Variants in TRAM2 observed in about 807,000 individuals in gnomAD.
The protein encoded by TRAM2 is translocating chain-associated membrane protein 2.
TRAM2 carries 12 observed loss-of-function variants against 51.0 expected under a neutral mutation model. The observed-to-expected ratio is 0.24, with a 90% confidence interval of 0.15 to 0.38. The LOEUF (loss-of-function observed/expected upper bound fraction) is 0.38. Ranked by LOEUF, TRAM2 falls within the 10% of genes least tolerant of loss-of-function variation. The pLI is 1.00. For missense variants in TRAM2, 361 were observed against 462.0 expected (o/e 0.78, Z 2.00); for synonymous variants, 175 against 179.4 (o/e 0.98, Z 0.20).
chr6:52,507,204 G>A lies in TRAM2; in HGVS notation c.626+349C>T, dbSNP rs193249149. Among the ~76,000 whole-genome samples, 162 of 152,294 alleles carry A rather than the reference G, an allele frequency of 1.1e-3. 1 individual carries two copies. The highest frequency in any genetic ancestry group is 3.1e-3 in the South Asian group (15 of 4,830). ...GTGAGGTAAGAGCCCAGCTTTGGGA[G>A]GCCTTCAAGCTGCAAAGCCATGGTT... On this transcript the variant is annotated intron_variant, in intron 7 of 10. Coordinates refer to ENST00000182527, the MANE Select transcript of TRAM2 (RefSeq NM_012288.4).
chr6:52,570,840 C>T (rs1376083461), intron 1 of TRAM2, among the ~76,000 whole-genome samples: 1 of 145,170 alleles, frequency 6.9e-6, no homozygotes, highest in African/African-American at 2.5e-5. Context: ...ATTTCCCCTG[C>T]TGAAAAGCAA....
intron 2 of TRAM2, chr6:52,524,674 AAAC>A (rs1266980747): frequency 6.6e-6 from 1 of 152,236 alleles, no homozygotes; most frequent in East Asian, 1.9e-4. Context: ...TCTATTCAAA[AAAC>A]AATTTTTAAG....
intron 1 of TRAM2, among the ~76,000 whole-genome samples, chr6:52,537,079 CA>C (rs1766987297): frequency 6.6e-6 from 1 of 152,248 alleles, no homozygotes; most frequent in African/African-American, 2.4e-5. Flanking sequence ...CTTTAAAGAG[CA>C]AATCTCCCCA....
At chr6:52,518,433 T>A (rs2064438) in intron 2 of TRAM2, among the ~76,000 whole-genome samples, 1 of 152,164 alleles carries the variant, frequency 6.6e-6, no homozygotes, top group Non-Finnish European at 1.5e-5. Context: ...GTGGAAATAT[T>A]GAAGAATTCA....
At chr6:52,507,424 G>T in intron 7 of TRAM2, 129 bp downstream of exon 7, 1 of 868,654 alleles carries the variant, frequency 1.2e-6, no homozygotes, top group South Asian at 1.8e-5. Context: ...TCTTTGTATT[G>T]CCAAGTCTTA....
intron 2 of TRAM2, chr6:52,524,589 A>G: frequency 6.6e-6 from 1 of 152,318 alleles, no homozygotes; most frequent in South Asian, 2.1e-4. Flanking sequence ...TCGGTACAAA[A>G]AACCTTGACC....
At chr6:52,537,335 G>C (rs921950189) in intron 1 of TRAM2, among the ~76,000 whole-genome samples, 1 of 152,202 alleles carries the variant, frequency 6.6e-6, no homozygotes, top group Non-Finnish European at 1.5e-5. Context: ...ACCTTTTTCA[G>C]TGTTCTCGAC....
At chr6:52,563,746 TGAGAACAGGTGGGGAG>T (rs1767542210) in intron 1 of TRAM2, among the ~76,000 whole-genome samples, 1 of 149,736 alleles carries the variant, frequency 6.7e-6, no homozygotes, top group South Asian at 2.1e-4. Context: ...GGGAGCTAGA[TGAGAACAGGTGGGGAG>T]GGACAGTTCT....
At chr6:52,546,559 G>A (rs1011076388) in intron 1 of TRAM2, among the ~76,000 whole-genome samples, 1 of 152,206 alleles carries the variant, frequency 6.6e-6, no homozygotes, top group Admixed American at 6.5e-5. Flanking sequence ...CAAAAGACTT[G>A]ATGGCACAAT....
At chr6:52,535,920 G>A (rs768841489) in intron 1 of TRAM2, 74 bp from the exon 2 acceptor site, 31 of 1,307,232 alleles carry the variant, frequency 2.4e-5, no homozygotes, top group Admixed American at 5.5e-5. Flanking sequence ...GCTGCTAACC[G>A]CCCCTTTTAC....
chr6:52,510,942 T>A (rs565013072), intron 4 of TRAM2, among the ~76,000 whole-genome samples: 1 of 152,138 alleles, frequency 6.6e-6, no homozygotes, highest in Non-Finnish European at 1.5e-5. Flanking sequence ...CACCAGTTGG[T>A]TGAATGAATG....
intron 1 of TRAM2, 74 bp from the exon 2 acceptor site, chr6:52,535,920 G>T: frequency 2.3e-6 from 3 of 1,307,352 alleles, no homozygotes; most frequent in South Asian, 1.2e-5. Context: ...GCTGCTAACC[G>T]CCCCTTTTAC....
chr6:52,545,411 G>C (rs1199196661), intron 1 of TRAM2, among the ~76,000 whole-genome samples: 1 of 152,196 alleles, frequency 6.6e-6, no homozygotes, highest in Admixed American at 6.5e-5. Flanking sequence ...GGACACGAAT[G>C]ACCTTAAGCT....
In TRAM2 at chr6:52,500,163, C is replaced by T. The variant is rs1766181325; in HGVS notation, c.*3034G>A. The T allele has an allele frequency of 6.6e-6, 1 of 152,256 alleles. No homozygotes were observed. Among genetic ancestry groups the T allele is most frequent in the African/African-American group, 2.4e-5 (1 of 41,444 alleles). 9.4% of individuals were successfully genotyped at this position (152,256 alleles called of 1,614,324 possible). Reference sequence around the variant, plus strand: ...GTAGGTTTACGTCTTTTCTCCTGCTCTTGGTGCATGGTGCTGAGCTCTCAA... The same window carrying T: ...GTAGGTTTACGTCTTTTCTCCTGCTTTTGGTGCATGGTGCTGAGCTCTCAA... On this transcript the variant is annotated 3_prime_UTR_variant, in exon 11 of 11. Transcript: ENST00000182527.
chr6:52,534,490 T>G (rs1043488700), intron 2 of TRAM2, among the ~76,000 whole-genome samples: 4 of 152,210 alleles, frequency 2.6e-5, no homozygotes, highest in African/African-American at 9.6e-5. Flanking sequence ...ACTTTGCCAC[T>G]GAGAAAGGAG....
intron 2 of TRAM2, chr6:52,522,900 T>A (rs1004342998): frequency 1.4e-6 from 1 of 702,408 alleles, no homozygotes; most frequent in Non-Finnish European, 2.6e-6. Flanking sequence ...TGCAAGCGGC[T>A]TCTCCTGCCT....
At chr6:52,526,992 G>C (rs1050851541) in intron 2 of TRAM2, among the ~76,000 whole-genome samples, 6 of 151,814 alleles carry the variant, frequency 4.0e-5, no homozygotes, top group African/African-American at 1.5e-4. Context: ...TTTAATTAAG[G>C]CTTTTTTTTT....
chr6:52,554,934 G>A (rs939189037), intron 1 of TRAM2, among the ~76,000 whole-genome samples: 4 of 151,838 alleles, frequency 2.6e-5, no homozygotes, highest in Non-Finnish European at 4.4e-5. Flanking sequence ...GGCTGGTCTC[G>A]AACTCCTGGC....
rs1415140260 is a variant in TRAM2 at position 52,516,070 on chromosome 6, T to G, written c.347A>C (p.Glu116Ala). The change falls in exon 4 of 11, where the codon GAA becomes GCA. Residue 116 changes from glutamate (E) to alanine (A), a missense_variant. Coordinates refer to ENST00000182527, the MANE Select transcript of TRAM2 (RefSeq NM_012288.4). ...ATGAAAGACGACCAGCTGTCCAGAT[T>G]CATTGAACTTGCTGTGTTTGACTTT... ...LSKVKHSKFNESGQLVVFHFT... is the reference protein window; with the variant it reads ...LSKVKHSKFNASGQLVVFHFT... 4.3e-6 allele frequency: 7 copies of G among 1,614,222 alleles called. No homozygotes were observed. Among genetic ancestry groups the G allele is most frequent in the Non-Finnish European group, 5.9e-6 (7 of 1,180,038 alleles).
Sources: gnomAD v4.1 joint callset for allele counts (sites outside exome capture counted in the v4.1 genomes callset) on GRCh38, gnomAD v4.1.1 for gene constraint, MANE v1.5 for transcripts, NCBI Gene and HGNC (gene_info 2026-07-23, HGNC 2026-07-21) for gene names.